Variants in CACNA1H observed in about 807,000 individuals in gnomAD.
CACNA1H encodes calcium voltage-gated channel subunit alpha1 H.
CACNA1H carries 149 observed loss-of-function variants against 192.5 expected under a neutral mutation model. The ratio of observed to expected loss-of-function variants is 0.77; its 90% CI spans 0.68 to 0.89. CACNA1H has a LOEUF of 0.89. Among genes scored for constraint, CACNA1H ranks in the 40% least tolerant of loss-of-function variants. The pLI is 0.00. For synonymous variants in CACNA1H, 2,202 were observed against 1,475.2 expected (o/e 1.49, Z -11.29); for missense variants, 4,257 against 3,423.5 (o/e 1.24, Z -6.08).
chr16:1,188,396 G>T (rs143164568), intron 2 of CACNA1H, among the ~76,000 whole-genome samples: 1 of 152,164 alleles, frequency 6.6e-6, no homozygotes, highest in East Asian at 1.9e-4. Context: ...GCACCTCAGG[G>T]CTCAGTCGGC....
chr16:1,165,539 C>G (rs1243242340), intron 2 of CACNA1H, among the ~76,000 whole-genome samples: 2 of 152,150 alleles, frequency 1.3e-5, no homozygotes. Context: ...GCCTGGGCCC[C>G]CCTCCCCACC....
chr16:1,217,961 C>T lies in CACNA1H; in HGVS notation c.5366C>T (p.Ala1789Val), dbSNP rs748805952. 1 of 1,605,468 alleles carries T rather than the reference C, an allele frequency of 6.2e-7. No homozygotes were observed. Among genetic ancestry groups the T allele is most frequent in the South Asian group, 1.1e-5 (1 of 89,456 alleles). Reference protein sequence around the residue: ...DNPCEGLSRHATFSNFGMAFL... With the variant: ...DNPCEGLSRHVTFSNFGMAFL... ...CCCTGCGAGGGCCTGAGCAGGCACG[C>T]CACCTTCAGCAACTTCGGCATGGCC... is the stretch of plus-strand genomic sequence containing the variant. Residue 1789 changes from alanine to valine, a missense_variant, in exon 32 of 35, where the codon GCC becomes GTC. Coordinates refer to ENST00000348261, the MANE Select transcript of CACNA1H (RefSeq NM_021098.3).
In CACNA1H at chr16:1,153,797, T is replaced by G; in HGVS notation, c.60T>G (p.Pro20=). The G allele has an allele frequency of 8.0e-7, 1 of 1,245,812 alleles. No individual in the cohort carries two copies. 77.2% of individuals were successfully genotyped at this position (1,245,812 alleles called of 1,614,324 possible). ...GGGTGCCCCTGGGCGCGCCGCCCCC[T>G]GGCCCTGCGGCGTTGGTGGGGGCGT... is the stretch of plus-strand genomic sequence containing the variant. The part of the protein sequence containing the change: ...EVRVPLGAPP[P]GPAALVGASP... The change falls in exon 2 of 35, where the codon CCT becomes CCG. Residue 20 remains proline, a synonymous_variant. Transcript: ENST00000348261.
intron 18 of CACNA1H, 32 bp from the exon 19 acceptor site, chr16:1,210,338 G>GGCCCC: frequency 3.4e-6 from 1 of 296,992 alleles, no homozygotes; most frequent in South Asian, 4.9e-5. Flanking sequence ...ACGCCGCCCC[G>GGCCCC]CCCCACCTCT....
chr16:1,165,411 C>T (rs761477761), intron 2 of CACNA1H, among the ~76,000 whole-genome samples: 3 of 152,204 alleles, frequency 2.0e-5, no homozygotes, highest in African/African-American at 7.2e-5. Context: ...TCTAACCTTC[C>T]GTGGAAATCT....
rs901125348 is a variant in CACNA1H, at chr16:1,167,605, G to A, written c.299+13569G>A. 1.3e-5 allele frequency among the ~76,000 whole-genome samples: 2 copies of A among 152,220 alleles called. No homozygotes were observed. The highest frequency in any genetic ancestry group is 4.8e-5 in the African/African-American group (2 of 41,464). ...CGGCGGTGCCACTAATGGGGTTGCC[G>A]TGGCAACGCCTGTCACTAATCCCCA... On this transcript the variant is annotated intron_variant, in intron 2 of 34. Transcript: ENST00000348261. This position sits in a 1 kb window ranked among gnomAD's most constrained non-coding sequence, Gnocchi z 4.2.
In CACNA1H at chr16:1,200,512, C is replaced by G; in HGVS notation, c.1060C>G (p.Pro354Ala). 1 of 1,612,360 alleles carries G rather than the reference C, an allele frequency of 6.2e-7. No individual in the cohort carries two copies. Among genetic ancestry groups the G allele is most frequent in the Non-Finnish European group, 8.5e-7 (1 of 1,179,736 alleles). The change falls in exon 7 of 35, where the codon CCC (proline) becomes GCC (alanine). Residue 354 changes from proline to alanine, a missense_variant. Coordinates refer to ENST00000348261, the MANE Select transcript of CACNA1H (RefSeq NM_021098.3). ...YNVCRSGDSN[P>A]HNGAINFDNI... ...CGTGTGCCGCTCGGGTGACTCCAAC[C>G]CCCACAACGGTGCCATCAACTTCGA...
intron 12 of CACNA1H, 97 bp from the exon 13 acceptor site, chr16:1,206,904 G>GCCCCCCCCCCCCCCC: frequency 2.0e-5 from 6 of 293,808 alleles, no homozygotes; most frequent in South Asian, 8.1e-5. Flanking sequence ...AGCCAGTCCT[G>GCCCCCCCCCCCCCCC]CCCCTCCCTC....
intron 2 of CACNA1H, among the ~76,000 whole-genome samples, chr16:1,176,735 G>T (rs1964928660): frequency 6.6e-6 from 1 of 152,188 alleles, no homozygotes; most frequent in Non-Finnish European, 1.5e-5. Flanking sequence ...TGCTCATGAA[G>T]CTCAGTTTAT....
At chr16:1,174,077 T>C (rs1165278152) in intron 2 of CACNA1H, among the ~76,000 whole-genome samples, 1 of 152,200 alleles carries the variant, frequency 6.6e-6, no homozygotes, top group East Asian at 1.9e-4. Context: ...TACGGGGAGC[T>C]GTCACCTAGC....
intron 9 of CACNA1H, among the ~76,000 whole-genome samples, chr16:1,202,829 C>T (rs555489020): frequency 2.5e-4 from 38 of 152,230 alleles, no homozygotes; most frequent in Admixed American, 7.8e-4. Flanking sequence ...CAGCGTCCTT[C>T]GTGGCCATTG....
At chr16:1,197,825 C>T (rs904846937) in intron 5 of CACNA1H, among the ~76,000 whole-genome samples, 3 of 152,104 alleles carry the variant, frequency 2.0e-5, no homozygotes, top group Non-Finnish European at 4.4e-5. Context: ...TTAGCCTGGC[C>T]CTTGATTAAA....
chr16:1,163,594 G>A (rs763097868), intron 2 of CACNA1H, among the ~76,000 whole-genome samples: 8 of 152,250 alleles, frequency 5.3e-5, no homozygotes, highest in Non-Finnish European at 1.2e-4. Context: ...TGGTCTTTGC[G>A]GGCAGCCGCC....
chr16:1,212,618 G>A (rs981633790), intron 26 of CACNA1H, 90 bp downstream of exon 26: 35 of 1,478,086 alleles, frequency 2.4e-5, no homozygotes, highest in Admixed American at 2.0e-4. Flanking sequence ...GGGGTCCTCC[G>A]CAGGGTGGGC....
intron 5 of CACNA1H, 22 bp from the exon 6 acceptor site, chr16:1,198,593 A>T (rs749971648): frequency 1.2e-5 from 19 of 1,610,922 alleles, no homozygotes; most frequent in Non-Finnish European, 1.5e-5. Flanking sequence ...AGCAGTGCCA[A>T]TCCTGGCCCT....
intron 2 of CACNA1H, among the ~76,000 whole-genome samples, chr16:1,164,541 T>G (rs1367286177): frequency 6.6e-6 from 1 of 152,234 alleles, no homozygotes; most frequent in Non-Finnish European, 1.5e-5. Context: ...GGCTGCTAAG[T>G]GGCCATCAGG....
intron 2 of CACNA1H, among the ~76,000 whole-genome samples, chr16:1,154,876 C>T (rs970041560): frequency 2.0e-5 from 3 of 152,138 alleles, no homozygotes; most frequent in Non-Finnish European, 4.4e-5. Flanking sequence ...GGCGGGTCTC[C>T]GCGTGCCCTG....
chr16:1,202,867 G>A (rs999573597), intron 9 of CACNA1H, among the ~76,000 whole-genome samples: 1 of 152,132 alleles, frequency 6.6e-6, no homozygotes, highest in Non-Finnish European at 1.5e-5. Context: ...AGGTGGGGAC[G>A]CTGAGTGGGG....
At chr16:1,177,793 G>A (rs1016671927) in intron 2 of CACNA1H, among the ~76,000 whole-genome samples, 2 of 151,838 alleles carry the variant, frequency 1.3e-5, no homozygotes, top group East Asian at 1.9e-4. Context: ...GGGGTCTCTC[G>A]GGGTCCTTGT....
Sources: gnomAD v4.1 joint callset for allele counts (sites outside exome capture counted in the v4.1 genomes callset) on GRCh38, gnomAD v4.1.1 for gene constraint, Gnocchi (gnomAD v3.1) non-coding constraint, MANE v1.5 for transcripts, NCBI Gene and HGNC (gene_info 2026-07-23, HGNC 2026-07-21) for gene names.